SPATA32: variants seen among roughly 807,000 people sequenced by gnomAD.
SPATA32 encodes the protein spermatogenesis-associated protein 32.
Under a neutral mutation model 35.4 loss-of-function variants are expected in SPATA32, and 28 were observed. The ratio of observed to expected loss-of-function variants is 0.79; its 90% CI spans 0.59 to 1.09. The LOEUF (loss-of-function observed/expected upper bound fraction) is 1.09, where lower values mean the gene tolerates loss of function less well. Ranked by LOEUF, SPATA32 falls within the 50% of genes least tolerant of loss-of-function variation. SPATA32 has a pLI of 0.00. For synonymous variants in SPATA32, 168 were observed against 196.3 expected (o/e 0.86, Z 1.20); for missense variants, 409 against 475.9 (o/e 0.86, Z 1.31).
rs372675213 is a variant in SPATA32 at position 45,255,208 on chromosome 17, C to G, written c.974G>C (p.Ser325Thr). 1 of 1,614,222 alleles carries G rather than the reference C, an allele frequency of 6.2e-7. No homozygotes were observed. The highest frequency in any genetic ancestry group is 1.1e-5 in the South Asian group (1 of 91,088). ...GGTGGCCCTCTTGATCCCCGGCTTG[C>G]TGAAGTCAAAGTAAGATTGAGCGAA... ...KNFAQSYFDF[S>T]KPGIKRATIK... Residue 325 changes from serine to threonine, a missense_variant, in exon 4 of 5, where the codon AGC becomes ACC. Ser to Thr is a moderately conservative substitution (Grantham distance 58). Coordinates refer to ENST00000331780, the MANE Select transcript of SPATA32 (RefSeq NM_152343.3). The surrounding 1 kb of genome is among the most constrained non-coding windows in gnomAD (Gnocchi z 5.4).
chr17:45,254,927 G>A (rs1368939871), intron 4 of SPATA32, 188 bp downstream of exon 4: 11 of 643,726 alleles, frequency 1.7e-5, no homozygotes, highest in Admixed American at 2.9e-5. Context: ...TTGGCTCTGC[G>A]CCTCAGTCCA....
At position 45,254,476 on chromosome 17, in the gene SPATA32, A is replaced by G. The variant is rs912105232; in HGVS notation, c.1105T>C (p.Leu369=). 1.2e-6 allele frequency: 2 copies of G among 1,614,178 alleles called. No individual in the cohort carries two copies. The highest frequency in any genetic ancestry group is 1.7e-6 in the Non-Finnish European group (2 of 1,180,022). ...GACAGCTTAAAATGGATTTTCACCA[A>G]TAATGGATTCTCTTTCTCTTTTCCT... ...PPGKEKENPL[L]VKIHFKLSAP... The change falls in exon 5 of 5, where the codon TTG becomes CTG. Residue 369 remains leucine, a synonymous_variant. Coordinates refer to ENST00000331780, the MANE Select transcript of SPATA32 (RefSeq NM_152343.3).
rs2043954066 is a variant in SPATA32, at chr17:45,256,028, G to T, written c.154C>A (p.Leu52Met). The change falls in exon 4 of 5, where the codon CTG (leucine) becomes ATG (methionine). Residue 52 changes from leucine (L) to methionine (M), a missense_variant. Transcript: ENST00000331780. The surrounding 1 kb of genome is among the most constrained non-coding windows in gnomAD (Gnocchi z 4.7). ...LEQKPQLQVD[L>M]DLDPDPDPDP... ...GGGTCTGGGTCTGGGTCCAGGTCCA[G>T]GTCCACTTGGAGTTGGGGCTTCTGC... 1 of 1,612,756 alleles carries T rather than the reference G, an allele frequency of 6.2e-7. No homozygotes were observed. Among genetic ancestry groups the T allele is most frequent in the African/African-American group, 1.3e-5 (1 of 74,884 alleles).
rs2043955612 is a variant in SPATA32, at chr17:45,256,190, G to A, written c.109-117C>T. On this transcript the variant is annotated intron_variant, in intron 3 of 4. Transcript: ENST00000331780. This position sits in a 1 kb window ranked among gnomAD's most constrained non-coding sequence, Gnocchi z 4.7. ...CCCTGGGTCCTGCTGTCTTCCCCCCGCCCCCTAACCCCATGCCTGCCTCCT... is the reference window on the plus strand; with the variant it reads ...CCCTGGGTCCTGCTGTCTTCCCCCCACCCCCTAACCCCATGCCTGCCTCCT... 9 of 1,013,574 alleles carry A rather than the reference G, an allele frequency of 8.9e-6. No homozygotes were observed. The highest frequency in any genetic ancestry group is 4.3e-5 in the Admixed American group (2 of 46,534). The allele number at this position is 1,013,574 out of a possible 1,614,324, so 62.8% of individuals were successfully genotyped here.
At chr17:45,257,117 G>C (rs369151994) in intron 2 of SPATA32, 36 bp downstream of exon 2, 2 of 1,606,836 alleles carry the variant, frequency 1.2e-6, no homozygotes, top group Non-Finnish European at 1.7e-6. Flanking sequence ...TGGAGGGCTC[G>C]GGGGAGGCCC....
intron 1 of SPATA32, chr17:45,261,094 G>GATT (rs1491518933): frequency 6.6e-4 from 41 of 62,368 alleles, no homozygotes; most frequent in African/African-American, 3.3e-3. Context: ...CCCGACCTCT[G>GATT]GTTTTTTTTT....
chr17:45,259,437 A>G (rs1472133954), intron 1 of SPATA32, among the ~76,000 whole-genome samples: 3 of 152,214 alleles, frequency 2.0e-5, no homozygotes, highest in African/African-American at 7.2e-5. Flanking sequence ...TATATGTTAT[A>G]CATAACATAC....
At chr17:45,261,114 T>TTTTG (rs2044003142) in intron 1 of SPATA32, 5 of 150,386 alleles carry the variant, frequency 3.3e-5, no homozygotes, top group African/African-American at 9.9e-5. Context: ...TTTTTTTTTT[T>TTTTG]GACAGGGTCT....
rs909908716 is a variant in SPATA32, at chr17:45,257,326, C to T, written c.14-119G>A. The stretch of plus-strand genomic sequence containing the variant: ...TTCTCTCTTCCCGGCTGCTATTCCC[C>T]CTCACCGTCCTGCCCCGCTCTCCTT... On this transcript the variant is annotated intron_variant, in intron 1 of 4. Coordinates refer to ENST00000331780, the MANE Select transcript of SPATA32 (RefSeq NM_152343.3). 1.3e-5 allele frequency: 14 copies of T among 1,092,760 alleles called. No homozygotes were observed. The African/African-American group carries it at 1.6e-4, about 12-fold the overall frequency. 67.7% of individuals were successfully genotyped at this position (1,092,760 alleles called of 1,614,324 possible). A position where few individuals can be genotyped will look rare whatever the true frequency, so the allele number is the denominator to read the frequency against.
Position 45,255,184 on chromosome 17 carries a change from G to T in SPATA32, c.998C>A (p.Thr333Asn). 2 of 1,614,220 alleles carry T rather than the reference G, an allele frequency of 1.2e-6. No individual in the cohort carries two copies. The highest frequency in any genetic ancestry group is 1.7e-6 in the Non-Finnish European group (2 of 1,180,034). The stretch of plus-strand genomic sequence containing the variant: ...GAGAAGCTGGATTTGCCCTTTGATG[G>T]TGGCCCTCTTGATCCCCGGCTTGCT... ...DFSKPGIKRATIKGQIQLLQP... is the reference protein window; with the variant it reads ...DFSKPGIKRANIKGQIQLLQP... The change falls in exon 4 of 5, where the codon ACC becomes AAC. Residue 333 changes from threonine (T) to asparagine (N), a missense_variant. Transcript: ENST00000331780. This position sits in a 1 kb window ranked among gnomAD's most constrained non-coding sequence, Gnocchi z 5.4.
Position 45,256,392 on chromosome 17 carries a change from A to T in SPATA32, c.92T>A (p.Ile31Lys). Residue 31 changes from isoleucine to lysine, a missense_variant, in exon 3 of 5, where the codon ATA (isoleucine) becomes AAA (lysine). By Grantham distance (102) the Ile-to-Lys change is moderately radical (BLOSUM62 -3). Coordinates refer to ENST00000331780, the MANE Select transcript of SPATA32 (RefSeq NM_152343.3). This position sits in a 1 kb window ranked among gnomAD's most constrained non-coding sequence, Gnocchi z 4.7. ...CATTTTTACCTCCTGTTCCTCTTGT[A>T]TCTGGTGTTGACTTAAGTCATCTCT... ...EMRDDLSQHQ[I>K]QEEQELEADM... The T allele has an allele frequency of 6.2e-7, 1 of 1,610,232 alleles. No homozygotes were observed. Among genetic ancestry groups the T allele is most frequent in the Non-Finnish European group, 8.5e-7 (1 of 1,177,868 alleles).
In SPATA32 at chr17:45,257,142, A is replaced by T. The variant is rs746170733; in HGVS notation, c.68+11T>A. On this transcript the variant is annotated intron_variant, in intron 2 of 4. Transcript: ENST00000331780. ...GGGGGAGGCCCTACGTTGATTGAGG[A>T]TGGTTCTCACCGCATCTCTGCAACC... 1 of 1,611,782 alleles carries T rather than the reference A, an allele frequency of 6.2e-7. No individual in the cohort carries two copies. Among genetic ancestry groups the T allele is most frequent in the South Asian group, 1.1e-5 (1 of 90,758 alleles).
chr17:45,256,275 T>C lies in SPATA32; in HGVS notation c.108+101A>G, dbSNP rs920675688. ...GGGTGTACCCACACCGGCCTGGTAC[T>C]AGGGTCCCAGGATTGTCAAGGGTAG... On this transcript the variant is annotated intron_variant, in intron 3 of 4. Transcript: ENST00000331780. This position sits in a 1 kb window ranked among gnomAD's most constrained non-coding sequence, Gnocchi z 4.7. 3 of 1,315,588 alleles carry C rather than the reference T, an allele frequency of 2.3e-6. No individual in the cohort carries two copies. The highest frequency in any genetic ancestry group is 3.3e-6 in the Non-Finnish European group (3 of 909,430). The allele number at this position is 1,315,588 out of a possible 1,614,324, so 81.5% of individuals were successfully genotyped here.
chr17:45,256,046 G>T lies in SPATA32; in HGVS notation c.136C>A (p.Pro46Thr), dbSNP rs1273869392. ...AGGTCCAGGTCCACTTGGAGTTGGG[G>T]CTTCTGCTCTAGCATGTCTGCCTCC... ...ELEADMLEQKPQLQVDLDLDP... is the reference protein window; with the variant it reads ...ELEADMLEQKTQLQVDLDLDP... Residue 46 changes from proline to threonine, a missense_variant, in exon 4 of 5, where the codon CCC (proline) becomes ACC (threonine). Transcript: ENST00000331780. The surrounding 1 kb of genome is among the most constrained non-coding windows in gnomAD (Gnocchi z 4.7). 1.2e-6 allele frequency: 2 copies of T among 1,609,448 alleles called. No homozygotes were observed. The highest frequency in any genetic ancestry group is 2.2e-5 in the East Asian group (1 of 44,784).
At position 45,256,351 on chromosome 17, in the gene SPATA32, C is replaced by G. The variant is rs375850119; in HGVS notation, c.108+25G>C. On this transcript the variant is annotated intron_variant, in intron 3 of 4. Coordinates refer to ENST00000331780, the MANE Select transcript of SPATA32 (RefSeq NM_152343.3). The surrounding 1 kb of genome is among the most constrained non-coding windows in gnomAD (Gnocchi z 4.7). ...CCCTGCCGCTTGCCTACCACCTCCC[C>G]GTAAGAGGACACTCCCATTTTTACC... 1.2e-6 allele frequency: 2 copies of G among 1,611,430 alleles called. No individual in the cohort carries two copies. The highest frequency in any genetic ancestry group is 1.7e-6 in the Non-Finnish European group (2 of 1,177,516).
In SPATA32 at chr17:45,256,184, C is replaced by T; in HGVS notation, c.109-111G>A. On this transcript the variant is annotated intron_variant, in intron 3 of 4. Coordinates refer to ENST00000331780, the MANE Select transcript of SPATA32 (RefSeq NM_152343.3). This position sits in a 1 kb window ranked among gnomAD's most constrained non-coding sequence, Gnocchi z 4.7. ...CCCCTGCCCTGGGTCCTGCTGTCTT[C>T]CCCCCGCCCCCTAACCCCATGCCTG... 2 of 1,270,534 alleles carry T rather than the reference C, an allele frequency of 1.6e-6. No homozygotes were observed. The highest frequency in any genetic ancestry group is 2.2e-6 in the Non-Finnish European group (2 of 903,316). The allele number at this position is 1,270,534 out of a possible 1,614,324, so 78.7% of individuals were successfully genotyped here. A position where few individuals can be genotyped will look rare whatever the true frequency, so the allele number is the denominator to read the frequency against.
rs2043942670 is a variant in SPATA32, at chr17:45,255,060, CT to C, written c.1067+54del. 1 of 1,559,686 alleles carries C rather than the reference CT, an allele frequency of 6.4e-7. No homozygotes were observed. The highest frequency in any genetic ancestry group is 2.3e-5 in the East Asian group (1 of 44,440). The stretch of plus-strand genomic sequence containing the variant: ...CCCCTACCCAGCTGTGTGAGGACCC[CT>C]GCCACGTTCTAGCACAGCCCCTCTA... On this transcript the variant is annotated intron_variant, in intron 4 of 4. Transcript: ENST00000331780. This position sits in a 1 kb window ranked among gnomAD's most constrained non-coding sequence, Gnocchi z 5.4.
At position 45,262,085 on chromosome 17, in the gene SPATA32, C is replaced by A; in HGVS notation, c.-69G>T. On this transcript the variant is annotated 5_prime_UTR_variant, in exon 1 of 5. Coordinates refer to ENST00000331780, the MANE Select transcript of SPATA32 (RefSeq NM_152343.3). ...ATGCTGCCTCTCCGCCTCCAGTGTGCTCTTTGGCTGAGGGACTGGTGGGCG... is the reference window on the plus strand; with the variant it reads ...ATGCTGCCTCTCCGCCTCCAGTGTGATCTTTGGCTGAGGGACTGGTGGGCG... 7.6e-7 allele frequency: 1 copy of A among 1,308,832 alleles called. No individual in the cohort carries two copies. Among genetic ancestry groups the A allele is most frequent in the Non-Finnish European group, 9.8e-7 (1 of 1,019,908 alleles). The allele number at this position is 1,308,832 out of a possible 1,614,324, so 81.1% of individuals were successfully genotyped here. A position where few individuals can be genotyped will look rare whatever the true frequency, so the allele number is the denominator to read the frequency against.
At chr17:45,258,230 C>T (rs2043975393) in intron 1 of SPATA32, among the ~76,000 whole-genome samples, 1 of 152,142 alleles carries the variant, frequency 6.6e-6, no homozygotes, top group Admixed American at 6.5e-5. Flanking sequence ...CCATCTGCTT[C>T]AGCCTGGTCT....
Sources: gnomAD v4.1 joint callset for allele counts (sites outside exome capture counted in the v4.1 genomes callset) on GRCh38, gnomAD v4.1.1 for gene constraint, Gnocchi (gnomAD v3.1) non-coding constraint, MANE v1.5 for transcripts, NCBI Gene and HGNC (gene_info 2026-07-23, HGNC 2026-07-21) for gene names.